The following HK2 variants were observed in gnomAD, a reference collection of about 807,000 sequenced individuals.
The protein encoded by HK2 is hexokinase-2.
HK2 carries 42 observed loss-of-function variants against 92.9 expected under a neutral mutation model. The ratio of observed to expected loss-of-function variants is 0.45; its 90% CI spans 0.35 to 0.58. The LOEUF (loss-of-function observed/expected upper bound fraction) is 0.58, where lower values mean the gene tolerates loss of function less well. HK2 is among the 20% of genes least tolerant of loss of function. The probability of loss-of-function intolerance (pLI) is 0.00; values close to 1 mark genes in which losing one functional copy is unlikely to be tolerated. For synonymous variants in HK2, 422 were observed against 468.0 expected, an observed-to-expected ratio of 0.90 and a Z score of 1.27; for missense variants, 978 against 1,245.1, an observed-to-expected ratio of 0.79 and a Z score of 3.23.
chr2:74,854,147 C>T (rs1172140955), intron 1 of HK2, 146 bp from the exon 2 acceptor site: 11 of 780,140 alleles, frequency 1.4e-5, no homozygotes, highest in Non-Finnish European at 2.2e-5. Flanking sequence ...CCTGTCAAAT[C>T]GGTTCCTACT....
Position 74,878,726 on chromosome 2 carries a change from T to C in HK2, c.1070T>C (p.Met357Thr), listed in dbSNP as rs775378136. 6.2e-7 allele frequency: 1 copy of C among 1,607,372 alleles called. No homozygotes were observed. Among genetic ancestry groups the C allele is most frequent in the East Asian group, 2.2e-5 (1 of 44,680 alleles). ...ATCCGGAAGGCCCGTGAGGTCCTGA[T>C]GCGGTTGGGCCTGGACCCGACTCAG... ...DGIRKAREVL[M>T]RLGLDPTQED... The change falls in exon 9 of 18, where the codon ATG (methionine) becomes ACG (threonine). Residue 357 changes from methionine to threonine, a missense_variant. Met to Thr is a moderately conservative substitution (Grantham distance 81). This residue lies in a region of HK2 where 742 missense variants were observed against 922.5 expected (regional missense o/e 0.80). Transcript: ENST00000290573.
At chr2:74,853,869 GCGT>G (rs774591025) in intron 1 of HK2, among the ~76,000 whole-genome samples, 1 of 152,144 alleles carries the variant, frequency 6.6e-6, no homozygotes, top group Non-Finnish European at 1.5e-5. Flanking sequence ...GGGATTGTAG[GCGT>G]CCGGGAAAAA....
intron 3 of HK2, among the ~76,000 whole-genome samples, chr2:74,870,458 T>TG (rs1316899762): frequency 7.0e-6 from 1 of 143,042 alleles, no homozygotes; most frequent in African/African-American, 2.9e-5. Context: ...TGATCAGAGC[T>TG]GGGGGAGGAG....
chr2:74,888,253 A>T (rs1193862201), intron 16 of HK2, among the ~76,000 whole-genome samples, 195 bp downstream of exon 16: 3 of 152,262 alleles, frequency 2.0e-5, no homozygotes, highest in Non-Finnish European at 2.9e-5. Flanking sequence ...GAGCATTCTC[A>T]TGAAAGTTTG....
chr2:74,838,225 C>T (rs1688215709), intron 1 of HK2, among the ~76,000 whole-genome samples: 1 of 152,148 alleles, frequency 6.6e-6, no homozygotes, highest in Non-Finnish European at 1.5e-5. Flanking sequence ...CGCTGCAGTT[C>T]CTGGCCACTG....
intron 17 of HK2, 39 bp from the exon 18 acceptor site, chr2:74,890,758 A>G (rs1689656625): frequency 6.2e-7 from 1 of 1,612,372 alleles, no homozygotes; most frequent in Non-Finnish European, 8.5e-7. Flanking sequence ...AATCATGACT[A>G]AGATGGTTTT....
chr2:74,836,056 C>T (rs1395618657), intron 1 of HK2, among the ~76,000 whole-genome samples: 1 of 152,138 alleles, frequency 6.6e-6, no homozygotes, highest in African/African-American at 2.4e-5. Context: ...TCTCTAATTC[C>T]TGGGATGTGG....
intron 2 of HK2, among the ~76,000 whole-genome samples, chr2:74,867,127 G>A (rs748982698): frequency 1.6e-4 from 25 of 152,056 alleles, no homozygotes; most frequent in Non-Finnish European, 4.4e-5. Flanking sequence ...CGTTGGATGC[G>A]AAACTGTCTT....
chr2:74,873,431 C>G, intron 5 of HK2, 60 bp downstream of exon 5: 2 of 1,106,864 alleles, frequency 1.8e-6, no homozygotes, highest in South Asian at 1.2e-5. Context: ...CCTGAAGACT[C>G]CCTGAGTGTC....
At chr2:74,886,007 C>A (rs1297034417) in intron 13 of HK2, among the ~76,000 whole-genome samples, 2 of 151,782 alleles carry the variant, frequency 1.3e-5, no homozygotes, top group East Asian at 3.9e-4. Flanking sequence ...TCATGCCTTC[C>A]CTTTTTAGAC....
intron 13 of HK2, among the ~76,000 whole-genome samples, chr2:74,885,849 C>T: frequency 7.7e-6 from 1 of 129,792 alleles, no homozygotes; most frequent in Admixed American, 7.5e-5. Flanking sequence ...CTGTGAAACA[C>T]ACACACACAC....
rs1452512227 is a variant in HK2, at chr2:74,852,774, A to T, written c.64-1519A>T. ...TTAAATCTGGGAAAAGTTCATGTGA[A>T]TTTATGTGGGAAACAGGATCAGTGA... On this transcript the variant is annotated intron_variant, in intron 1 of 17. Transcript: ENST00000290573. Among the ~76,000 whole-genome samples the T allele has an allele frequency of 1.3e-5, 2 of 152,158 alleles. 1 individual carries two copies. Among genetic ancestry groups the T allele is most frequent in the Non-Finnish European group, 2.9e-5 (2 of 68,016 alleles).
chr2:74,891,468 CGCA>C lies in HK2; in HGVS notation c.*533_*535del. 1 of 163,016 alleles carries C rather than the reference CGCA, an allele frequency of 6.1e-6. No individual in the cohort carries two copies. Among genetic ancestry groups the C allele is most frequent in the South Asian group, 1.6e-4 (1 of 6,164 alleles). The allele number at this position is 163,016 out of a possible 1,614,324, so 10.1% of individuals were successfully genotyped here. The stretch of plus-strand genomic sequence containing the variant: ...GTGGAGGAAAATCCATGGATATCCA[CGCA>C]GCAGCCCCTCTTTAACCTCATCTAC... On this transcript the variant is annotated 3_prime_UTR_variant, in exon 18 of 18. Transcript: ENST00000290573.
chr2:74,866,008 T>C (rs777487381), intron 2 of HK2, among the ~76,000 whole-genome samples: 5 of 152,114 alleles, frequency 3.3e-5, no homozygotes, highest in Non-Finnish European at 5.9e-5. Flanking sequence ...TTGCCTCTGC[T>C]AAATAGTGGC....
intron 11 of HK2, 71 bp from the exon 12 acceptor site, chr2:74,882,049 G>C (rs1245353979): frequency 6.7e-6 from 10 of 1,500,446 alleles, no homozygotes; most frequent in Non-Finnish European, 8.4e-6. Context: ...TTGATGTTGT[G>C]CGCAGGCCCT....
At chr2:74,876,957 C>T (rs1053206681) in intron 7 of HK2, among the ~76,000 whole-genome samples, 1 of 152,186 alleles carries the variant, frequency 6.6e-6, no homozygotes, top group Non-Finnish European at 1.5e-5. Flanking sequence ...ATTTATTCTT[C>T]TCCATAGGTC....
At chr2:74,873,799 C>T in intron 5 of HK2, 45 bp from the exon 6 acceptor site, 1 of 1,360,628 alleles carries the variant, frequency 7.3e-7, no homozygotes, top group Non-Finnish European at 1.1e-6. Flanking sequence ...GGAAAGTCGC[C>T]CTCTGTGATG....
At chr2:74,865,024 T>C (rs1424250819) in intron 2 of HK2, among the ~76,000 whole-genome samples, 1 of 152,168 alleles carries the variant, frequency 6.6e-6, no homozygotes, top group East Asian at 1.9e-4. Context: ...TAACCACTGC[T>C]CTGGCATGGG....
rs916380792 is a variant in HK2, at chr2:74,892,745, T to C, written c.*1804T>C. 13 of 152,236 alleles carry C rather than the reference T, an allele frequency of 8.5e-5. No individual in the cohort carries two copies. Among genetic ancestry groups the C allele is most frequent in the Non-Finnish European group, 1.5e-4 (10 of 68,048 alleles). 9.4% of individuals were successfully genotyped at this position (152,236 alleles called of 1,614,324 possible). A position where few individuals can be genotyped will look rare whatever the true frequency, so the allele number is the denominator to read the frequency against. On this transcript the variant is annotated 3_prime_UTR_variant, in exon 18 of 18. Coordinates refer to ENST00000290573, the MANE Select transcript of HK2 (RefSeq NM_000189.5). ...GAATAGTGTCTGATTATACGACTTT[T>C]AAGCAAAGTTGGGTGTAATTAGGTG... is the stretch of plus-strand genomic sequence containing the variant.
Sources: gnomAD v4.1 joint callset for allele counts (sites outside exome capture counted in the v4.1 genomes callset) on GRCh38, gnomAD v4.1.1 for gene constraint, gnomAD v4.1.1 regional missense constraint, MANE v1.5 for transcripts, NCBI Gene and HGNC (gene_info 2026-07-23, HGNC 2026-07-21) for gene names.